TBC1D1: variants seen among roughly 807,000 people sequenced by gnomAD.
TBC1D1 encodes the protein TBC1 domain family member 1.
A neutral mutation model predicts 125.6 loss-of-function variants in TBC1D1; 89 were observed. That is an observed-to-expected ratio of 0.71 (90% CI 0.60 to 0.85). The LOEUF (loss-of-function observed/expected upper bound fraction) is 0.85, where lower values mean the gene tolerates loss of function less well. Among genes scored for constraint, TBC1D1 ranks in the 40% least tolerant of loss-of-function variants. TBC1D1 has a pLI of 0.00. For missense variants in TBC1D1, 1,377 were observed against 1,469.2 expected, an observed-to-expected ratio of 0.94 and a Z score of 1.03; for synonymous variants, 565 against 564.1, an observed-to-expected ratio of 1.00 and a Z score of -0.02.
chr4:37,911,576 C>A (rs76598335), intron 2 of TBC1D1, among the ~76,000 whole-genome samples: 6 of 152,060 alleles, frequency 3.9e-5, no homozygotes, highest in African/African-American at 1.4e-4. Context: ...CTTTCCTGGC[C>A]GCTTTTATTC....
intron 6 of TBC1D1, 49 bp from the exon 7 acceptor site, chr4:38,027,739 A>T: frequency 1.5e-6 from 2 of 1,348,188 alleles, no homozygotes; most frequent in Non-Finnish European, 2.1e-6. Context: ...TCCCTATCTC[A>T]CAACTTTTAT....
At chr4:37,928,187 G>A (rs1358665513) in intron 2 of TBC1D1, among the ~76,000 whole-genome samples, 1 of 152,112 alleles carries the variant, frequency 6.6e-6, no homozygotes, top group Non-Finnish European at 1.5e-5. Flanking sequence ...GCATATAGTT[G>A]GAACTACTAG....
intron 12 of TBC1D1, among the ~76,000 whole-genome samples, chr4:38,070,424 C>T (rs1420765811): frequency 2.0e-5 from 3 of 152,036 alleles, no homozygotes; most frequent in Non-Finnish European, 4.4e-5. Context: ...CGTGGACCTT[C>T]GGCATGACCC....
intron 2 of TBC1D1, among the ~76,000 whole-genome samples, chr4:38,012,663 GTCCTGTCTTCTTTTTATAATT>G (rs776553321): frequency 2.7e-4 from 41 of 152,174 alleles, no homozygotes; most frequent in Non-Finnish European, 3.2e-4. Flanking sequence ...TCTTCTCTCT[GTCCTGTCTTCTTTTTATAATT>G]GACCAACAGT....
At chr4:37,958,999 T>G (rs745767777) in intron 2 of TBC1D1, among the ~76,000 whole-genome samples, 25 of 152,224 alleles carry the variant, frequency 1.6e-4, no homozygotes, top group Non-Finnish European at 2.9e-4. Flanking sequence ...ATATAGAGGT[T>G]ACATCAATCA....
chr4:38,138,069 A>G lies in TBC1D1; in HGVS notation c.*734A>G, dbSNP rs999884677. The G allele has an allele frequency of 1.3e-5, 2 of 152,280 alleles. No individual in the cohort carries two copies. The highest frequency in any genetic ancestry group is 4.8e-5 in the African/African-American group (2 of 41,440). The allele number at this position is 152,280 out of a possible 1,614,324, so 9.4% of individuals were successfully genotyped here. A position where few individuals can be genotyped will look rare whatever the true frequency, so the allele number is the denominator to read the frequency against. Reference sequence around the variant, plus strand: ...AAATAAAATGATTTATTTAATTTGGATATCCTGATCACTGTCAAGTGAAAT... The same window carrying G: ...AAATAAAATGATTTATTTAATTTGGGTATCCTGATCACTGTCAAGTGAAAT... On this transcript the variant is annotated 3_prime_UTR_variant, in exon 20 of 20. Transcript: ENST00000261439.
In TBC1D1 at chr4:38,090,128, C is replaced by A; in HGVS notation, c.2236+11C>A. ...ATCAGAAGCTCCAAGGTTGGTTTGC[C>A]ATCTTGATATTGAACAGGCCTGGTC... On this transcript the variant is annotated intron_variant, in intron 13 of 19. Transcript: ENST00000261439. 6.2e-7 allele frequency: 1 copy of A among 1,613,758 alleles called. No individual in the cohort carries two copies. The highest frequency in any genetic ancestry group is 1.1e-5 in the South Asian group (1 of 91,004).
At chr4:37,956,649 A>C (rs1341444395) in intron 2 of TBC1D1, among the ~76,000 whole-genome samples, 1 of 152,174 alleles carries the variant, frequency 6.6e-6, no homozygotes, top group Non-Finnish European at 1.5e-5. Flanking sequence ...GTATTAACTT[A>C]AGAAAAGTGG....
intron 12 of TBC1D1, among the ~76,000 whole-genome samples, chr4:38,065,669 A>C (rs1445006512): frequency 9.2e-5 from 12 of 130,472 alleles, no homozygotes; most frequent in Non-Finnish European, 1.7e-4. Flanking sequence ...TTTTTGAGAC[A>C]GAGTCTTGCT....
intron 13 of TBC1D1, among the ~76,000 whole-genome samples, chr4:38,091,347 G>A (rs921596173): frequency 6.6e-6 from 1 of 152,196 alleles, no homozygotes; most frequent in Non-Finnish European, 1.5e-5. Context: ...CACACTGGGG[G>A]GCGTTTAGAG....
intron 2 of TBC1D1, among the ~76,000 whole-genome samples, chr4:37,927,594 G>A (rs1266912409): frequency 6.6e-6 from 1 of 152,232 alleles, no homozygotes; most frequent in African/African-American, 2.4e-5. Context: ...TGTCTTAGAA[G>A]TGGTGGATGA....
chr4:37,933,807 G>C (rs1723822475), intron 2 of TBC1D1, among the ~76,000 whole-genome samples: 1 of 152,162 alleles, frequency 6.6e-6, no homozygotes, highest in African/African-American at 2.4e-5. Context: ...TGGGATGCCT[G>C]GTGGCCCTCT....
Position 37,946,029 on chromosome 4 carries a change from C to T in TBC1D1, c.417+43517C>T, listed in dbSNP as rs118166069. Among the ~76,000 whole-genome samples, 48 of 152,094 alleles carry T rather than the reference C, an allele frequency of 3.2e-4. 1 individual carries two copies. The East Asian group carries it at 6.8e-3, about 21-fold the overall frequency. The stretch of plus-strand genomic sequence containing the variant: ...AAGCTACAATGAGTATGACAGAAAG[C>T]CATAATATATTTTGATACAAAGAAA... On this transcript the variant is annotated intron_variant, in intron 2 of 19. Coordinates refer to ENST00000261439, the MANE Select transcript of TBC1D1 (RefSeq NM_015173.4).
At chr4:38,093,519 TC>T (rs1553935738) in intron 13 of TBC1D1, among the ~76,000 whole-genome samples, 3 of 145,804 alleles carry the variant, frequency 2.1e-5, no homozygotes, top group African/African-American at 5.1e-5. Context: ...AAGGCCGTTT[TC>T]CCCCCCCTTT....
chr4:38,115,820 T>C lies in TBC1D1; in HGVS notation c.2668T>C (p.Cys890Arg), dbSNP rs1467647547. Residue 890 changes from cysteine to arginine, a missense_variant, in exon 16 of 20, where the codon TGC becomes CGC. Coordinates refer to ENST00000261439, the MANE Select transcript of TBC1D1 (RefSeq NM_015173.4). ...ACTTCTAGACCAGGAAGTGGGATAT[T>C]GCCAAGGTCTCAGCTTTGTAGCAGG... 6.2e-7 allele frequency: 1 copy of C among 1,614,208 alleles called. No homozygotes were observed. The highest frequency in any genetic ancestry group is 1.7e-5 in the Admixed American group (1 of 60,022).
At chr4:38,031,624 A>AT (rs1233719752) in intron 7 of TBC1D1, among the ~76,000 whole-genome samples, 13 of 151,858 alleles carry the variant, frequency 8.6e-5, no homozygotes, top group African/African-American at 2.4e-4. Flanking sequence ...TTATTTATTA[A>AT]TTTTTTTTAA....
At chr4:38,031,650 T>C (rs1276884259) in intron 7 of TBC1D1, among the ~76,000 whole-genome samples, 1 of 152,248 alleles carries the variant, frequency 6.6e-6, no homozygotes, top group Non-Finnish European at 1.5e-5. Context: ...AGGGGCTCAC[T>C]CTGTTACCCA....
At chr4:38,067,392 C>T (rs879500478) in intron 12 of TBC1D1, among the ~76,000 whole-genome samples, 16 of 152,208 alleles carry the variant, frequency 1.1e-4, no homozygotes, top group Non-Finnish European at 2.4e-4. Flanking sequence ...TGGATGTACA[C>T]AGCTGGTGTG....
chr4:37,960,226 A>C (rs545781615), intron 2 of TBC1D1, among the ~76,000 whole-genome samples: 5 of 152,208 alleles, frequency 3.3e-5, no homozygotes, highest in Admixed American at 1.3e-4. Flanking sequence ...TACAGCTAAC[A>C]GAAAGTGGTA....
Sources: allele counts gnomAD v4.1 joint callset (sites outside exome capture counted in the v4.1 genomes callset), GRCh38; gene constraint gnomAD v4.1.1; transcripts MANE v1.5; gene names NCBI Gene and HGNC (gene_info 2026-07-23, HGNC 2026-07-21).